The following UHRF1 variants were observed in gnomAD, a reference collection of about 807,000 sequenced individuals.
UHRF1 encodes E3 ubiquitin-protein ligase UHRF1.
A neutral mutation model predicts 96.5 loss-of-function variants in UHRF1; 9 were observed. That is an observed-to-expected ratio of 0.09 (90% CI 0.06 to 0.16). The LOEUF is 0.16. Ranked by LOEUF, UHRF1 falls within the 10% of genes least tolerant of loss-of-function variation. UHRF1 has a pLI of 1.00. For synonymous variants in UHRF1, 455 were observed against 469.9 expected (o/e 0.97, Z 0.41); for missense variants, 626 against 1,131.1 (o/e 0.55, Z 6.40).
upstream of UHRF1, among the ~76,000 whole-genome samples, chr19:4,908,116 C>G (rs1248642002): frequency 1.3e-5 from 2 of 152,176 alleles, no homozygotes; most frequent in Non-Finnish European, 2.9e-5. Context: ...GACATTGTGC[C>G]CACCTGGATC....
At chr19:4,946,535 G>A (rs1179144298) in intron 10 of UHRF1, among the ~76,000 whole-genome samples, 1 of 151,608 alleles carries the variant, frequency 6.6e-6, no homozygotes, top group Non-Finnish European at 1.5e-5. Context: ...TGTATATCCA[G>A]AAGTGGAATT....
At chr19:4,949,285 TG>T (rs1405302421) in intron 11 of UHRF1, among the ~76,000 whole-genome samples, 24 of 152,340 alleles carry the variant, frequency 1.6e-4, no homozygotes, top group Non-Finnish European at 1.5e-5. Flanking sequence ...ATTCCACTGT[TG>T]GTAGAAATAC....
rs557833379 is a variant in UHRF1 at position 4,934,757 on chromosome 19, G to C, written c.785+1801G>C. Among the ~76,000 whole-genome samples, 3 of 152,264 alleles carry C rather than the reference G, an allele frequency of 2.0e-5. No homozygotes were observed. In the East Asian group the frequency reaches 5.8e-4, roughly 29 times the overall value. ...GAGGTCCTGGGCTGGGACATTTATG[G>C]TGCATCTGTGGCCCGGTAGGGAGGT... is the stretch of plus-strand genomic sequence containing the variant. On this transcript the variant is annotated intron_variant, in intron 5 of 16. Transcript: ENST00000650932.
intron 2 of UHRF1, among the ~76,000 whole-genome samples, chr19:4,922,832 A>G (rs868295051): frequency 8.5e-5 from 13 of 152,206 alleles, no homozygotes; most frequent in African/African-American, 2.9e-4. Flanking sequence ...GCCCCTGTCT[A>G]CATCATTGTA....
chr19:4,951,441 C>T (rs2033715072), intron 13 of UHRF1, among the ~76,000 whole-genome samples: 2 of 152,218 alleles, frequency 1.3e-5, no homozygotes, highest in African/African-American at 4.8e-5. Context: ...GGCCTCCCGT[C>T]TCGGGCCCAT....
chr19:4,942,220 T>A (rs900080907), intron 7 of UHRF1, among the ~76,000 whole-genome samples: 1 of 151,506 alleles, frequency 6.6e-6, no homozygotes, highest in African/African-American at 2.4e-5. Context: ...TGCGGCGGAG[T>A]CTCGCTGTCT....
At chr19:4,945,748 T>G in intron 9 of UHRF1, 113 bp from the exon 10 acceptor site, 1 of 812,896 alleles carries the variant, frequency 1.2e-6, no homozygotes, top group Non-Finnish European at 2.1e-6. Context: ...CCTGAGGAGT[T>G]TGGTGTAAAA....
intron 11 of UHRF1, among the ~76,000 whole-genome samples, chr19:4,947,762 A>G (rs1390385661): frequency 6.7e-6 from 1 of 148,406 alleles, no homozygotes; most frequent in Non-Finnish European, 1.5e-5. Context: ...CGGCCTCCCA[A>G]TATTGGTATT....
At chr19:4,905,111 T>TC (rs1243568683), upstream of UHRF1, among the ~76,000 whole-genome samples, 545 of 127,200 alleles carry the variant, frequency 4.3e-3, 7 homozygotes, top group Non-Finnish European at 6.5e-3. Context: ...AAACTTTCTT[T>TC]TTTTTTTTTT....
At chr19:4,940,541 A>C (rs1175043802) in intron 5 of UHRF1, among the ~76,000 whole-genome samples, 1 of 150,654 alleles carries the variant, frequency 6.6e-6, no homozygotes, top group Non-Finnish European at 1.5e-5. Flanking sequence ...TAATTCTTGT[A>C]TTCTTAGTAG....
At chr19:4,948,748 G>A (rs565571815) in intron 11 of UHRF1, among the ~76,000 whole-genome samples, 7 of 151,634 alleles carry the variant, frequency 4.6e-5, no homozygotes, top group African/African-American at 1.2e-4. Flanking sequence ...GCAGTGAGCC[G>A]AAATCATGCC....
At chr19:4,959,721 G>C (rs1180315586) in intron 16 of UHRF1, among the ~76,000 whole-genome samples, 1 of 151,598 alleles carries the variant, frequency 6.6e-6, no homozygotes, top group African/African-American at 2.4e-5. Flanking sequence ...TATTTTTTTC[G>C]AGACAAGGTC....
At chr19:4,935,325 A>T (rs1175833550) in intron 5 of UHRF1, among the ~76,000 whole-genome samples, 1 of 152,178 alleles carries the variant, frequency 6.6e-6, no homozygotes, top group African/African-American at 2.4e-5. Flanking sequence ...GCCGCTGTGT[A>T]AGATGTGCCT....
chr19:4,953,363 T>C (rs2033769686), intron 13 of UHRF1, among the ~76,000 whole-genome samples: 1 of 152,226 alleles, frequency 6.6e-6, no homozygotes, highest in Non-Finnish European at 1.5e-5. Context: ...AAGTTTAATC[T>C]ATAAATTAGG....
rs17885791 is a variant in UHRF1, at chr19:4,944,193, G to A, written c.1135G>A (p.Glu379Lys). The A allele has an allele frequency of 0.011, 18,378 of 1,613,970 alleles. 133 individuals are homozygous for A. The highest frequency in any genetic ancestry group is 0.013 in the Non-Finnish European group (15,042 of 1,179,850). ...GGTACTGGCGGGAGAGCGGCTGAGAGAGAGCAAGAAGAAGGCGAAGATGGC... is the reference window on the plus strand; with the variant it reads ...GGTACTGGCGGGAGAGCGGCTGAGAAAGAGCAAGAAGAAGGCGAAGATGGC... ...EVVLAGERLR[E>K]SKKKAKMASA... Residue 379 changes from glutamate (E) to lysine (K), a missense_variant, in exon 8 of 17, where the codon GAG (glutamate) becomes AAG (lysine). By Grantham distance (56) the Glu-to-Lys change is moderately conservative (BLOSUM62 1). Around this residue, in one of 11 missense-constraint regions of UHRF1, gnomAD observed 69 missense variants for 159.8 expected, o/e 0.43. Transcript: ENST00000650932.
At chr19:4,944,298 T>C in intron 8 of UHRF1, 43 bp downstream of exon 8, 1 of 1,613,778 alleles carries the variant, frequency 6.2e-7, no homozygotes, top group Non-Finnish European at 8.5e-7. Flanking sequence ...CCTCCCCGCC[T>C]GCCAGGGCTC....
intron 13 of UHRF1, among the ~76,000 whole-genome samples, chr19:4,953,273 G>A (rs77509082): frequency 0.11 from 17,485 of 152,066 alleles, 1,564 homozygotes; most frequent in African/African-American, 0.23. Context: ...CACTTCGAAG[G>A]TCCTCAGCAC....
Position 4,930,997 on chromosome 19 carries a change from A to G in UHRF1, c.569+121A>G. 1 of 1,369,106 alleles carries G rather than the reference A, an allele frequency of 7.3e-7. No homozygotes were observed. The highest frequency in any genetic ancestry group is 1.0e-6 in the Non-Finnish European group (1 of 995,006). 84.8% of individuals were successfully genotyped at this position (1,369,106 alleles called of 1,614,324 possible). A position where few individuals can be genotyped will look rare whatever the true frequency, so the allele number is the denominator to read the frequency against. On this transcript the variant is annotated intron_variant, in intron 4 of 16. Coordinates refer to ENST00000650932, the MANE Select transcript of UHRF1 (RefSeq NM_001048201.3). This position sits in a 1 kb window ranked among gnomAD's most constrained non-coding sequence, Gnocchi z 4.4. ...GATGGTGATCAGGATCTGGGGCCCCATCCTCGAATTCCTAACAGCATACGA... is the reference window on the plus strand; with the variant it reads ...GATGGTGATCAGGATCTGGGGCCCCGTCCTCGAATTCCTAACAGCATACGA...
At chr19:4,907,099 T>C (rs1363181115), upstream of UHRF1, among the ~76,000 whole-genome samples, 2 of 152,210 alleles carry the variant, frequency 1.3e-5, no homozygotes, top group Non-Finnish European at 2.9e-5. Context: ...ACAAACTCAG[T>C]GGCTGCAAAA....
Sources: gnomAD v4.1 joint callset for allele counts (sites outside exome capture counted in the v4.1 genomes callset) on GRCh38, gnomAD v4.1.1 for gene constraint, gnomAD v4.1.1 regional missense constraint, Gnocchi (gnomAD v3.1) non-coding constraint, MANE v1.5 for transcripts, NCBI Gene and HGNC (gene_info 2026-07-23, HGNC 2026-07-21) for gene names.